The following HECW1 variants were observed in gnomAD, a reference collection of about 807,000 sequenced individuals.
HECW1 encodes the protein HECT, C2 and WW domain containing E3 ubiquitin protein ligase 1.
HECW1 carries 61 observed loss-of-function variants against 182.3 expected under a neutral mutation model. The observed-to-expected ratio is 0.33, with a 90% CI of 0.27 to 0.41. HECW1 has a LOEUF of 0.41. HECW1 is among the 10% of genes least tolerant of loss of function. The pLI, the probability that HECW1 is intolerant of heterozygous loss-of-function variation, is 1.00. For synonymous variants in HECW1, 859 were observed against 832.6 expected (o/e 1.03, Z -0.55); for missense variants, 1,739 against 2,108.9 (o/e 0.82, Z 3.44).
At chr7:43,269,868 T>G (rs1021966180) in intron 3 of HECW1, among the ~76,000 whole-genome samples, 1 of 152,110 alleles carries the variant, frequency 6.6e-6, no homozygotes, top group Non-Finnish European at 1.5e-5. Flanking sequence ...GCTACTGAAA[T>G]CTGATGTGTA....
intron 4 of HECW1, among the ~76,000 whole-genome samples, chr7:43,319,803 A>G (rs1233288821): frequency 7.6e-6 from 1 of 130,994 alleles, no homozygotes; most frequent in Non-Finnish European, 1.5e-5. Flanking sequence ...GGTAGAGACA[A>G]TGTTTCACCA....
intron 26 of HECW1, among the ~76,000 whole-genome samples, chr7:43,550,111 AAAG>A (rs575247546): frequency 1.5e-4 from 23 of 151,702 alleles, no homozygotes; most frequent in South Asian, 8.3e-4. Context: ...TACCAAAAAA[AAAG>A]AAGAAGAAGA....
At chr7:43,224,290 G>A (rs1236128777) in intron 2 of HECW1, among the ~76,000 whole-genome samples, 1 of 152,218 alleles carries the variant, frequency 6.6e-6, no homozygotes, top group Non-Finnish European at 1.5e-5. Context: ...GGGAATATCA[G>A]TAAGACATTA....
chr7:43,113,972 G>T (rs1025704380), intron 1 of HECW1, 185 bp from the exon 2 acceptor site: 5 of 309,006 alleles, frequency 1.6e-5, no homozygotes, highest in Non-Finnish European at 1.2e-5. Flanking sequence ...AGAGATGCCC[G>T]GCTTCCTGTG....
At chr7:43,386,220 G>A (rs2152831153) in intron 6 of HECW1, among the ~76,000 whole-genome samples, 1 of 152,294 alleles carries the variant, frequency 6.6e-6, no homozygotes, top group East Asian at 1.9e-4. Context: ...GTGTGATTCA[G>A]TCAGCCCCTT....
chr7:43,479,043 T>C (rs1488066940), intron 16 of HECW1, among the ~76,000 whole-genome samples: 1 of 152,208 alleles, frequency 6.6e-6, no homozygotes, highest in Non-Finnish European at 1.5e-5. Context: ...ACCAGTTTTA[T>C]GGAAGGCAAT....
chr7:43,166,668 G>A (rs1012288666), intron 2 of HECW1, among the ~76,000 whole-genome samples: 12 of 152,182 alleles, frequency 7.9e-5, no homozygotes, highest in Non-Finnish European at 1.3e-4. Flanking sequence ...GATGATTATA[G>A]ATGATTCATA....
At position 43,237,121 on chromosome 7, in the gene HECW1, A is replaced by AGAAG. The variant is rs144403349; in HGVS notation, c.-31-6737_-31-6734dup. Among the ~76,000 whole-genome samples the AGAAG allele has an allele frequency of 7.3e-5, 10 of 136,292 alleles. No homozygotes were observed. In the East Asian group the frequency reaches 1.6e-3, roughly 21 times the overall value. The allele number at this position is 136,292 out of a possible 152,430, so 89.4% of individuals were successfully genotyped here. A position where few individuals can be genotyped will look rare whatever the true frequency, so the allele number is the denominator to read the frequency against. On this transcript the variant is annotated intron_variant, in intron 2 of 29. Transcript: ENST00000395891. ...TGGGAGGGAGGGAAGAAAGAAAAAAAGAAGGAAGGAAGGAAGGAAGTAGGT... is the reference window on the plus strand; with the variant it reads ...TGGGAGGGAGGGAAGAAAGAAAAAAAGAAGGAAGGAAGGAAGGAAGGAAGTAGGT...
rs189254334 is a variant in HECW1, at chr7:43,529,474, C to T, written c.4020-11689C>T. ...CAAGAAAGGGTACAATTCTAAATCA[C>T]ACTCCCTGACCTCAGAAAGTGCCAC... is the stretch of plus-strand genomic sequence containing the variant. On this transcript the variant is annotated intron_variant, in intron 24 of 29. Transcript: ENST00000395891. Among the ~76,000 whole-genome samples the T allele has an allele frequency of 7.9e-5, 12 of 152,242 alleles. No homozygotes were observed. In the East Asian group the frequency reaches 9.7e-4, roughly 12 times the overall value.
intron 2 of HECW1, among the ~76,000 whole-genome samples, chr7:43,193,262 G>T (rs989687011): frequency 1.3e-5 from 2 of 152,178 alleles, no homozygotes; most frequent in African/African-American, 4.8e-5. Context: ...CCTTTACTGC[G>T]TCCTGTTTCA....
intron 19 of HECW1, 56 bp from the exon 20 acceptor site, chr7:43,500,643 A>G (rs755509916): frequency 2.7e-4 from 341 of 1,266,882 alleles, no homozygotes; most frequent in Non-Finnish European, 3.5e-4. Context: ...AAGAAAATGT[A>G]TTTCTGAGTT....
rs546894332 is a variant in HECW1 at position 43,173,103 on chromosome 7, T to C, written c.-32+58712T>C. Among the ~76,000 whole-genome samples, 6 of 152,344 alleles carry C rather than the reference T, an allele frequency of 3.9e-5. No individual in the cohort carries two copies. In the South Asian group the frequency reaches 6.2e-4, roughly 16 times the overall value. On this transcript the variant is annotated intron_variant, in intron 2 of 29. Coordinates refer to ENST00000395891, the MANE Select transcript of HECW1 (RefSeq NM_015052.5). The stretch of plus-strand genomic sequence containing the variant: ...CTCTATTTTACATATTCTGGTTCTA[T>C]GTAAAATTTAATTTGAAACTGGGGT...
intron 3 of HECW1, among the ~76,000 whole-genome samples, chr7:43,287,858 G>A (rs1804859963): frequency 6.6e-6 from 1 of 152,226 alleles, no homozygotes; most frequent in East Asian, 1.9e-4. Flanking sequence ...GATTGTACCT[G>A]AGGAGTGTGA....
At chr7:43,336,140 C>T (rs201250310) in intron 5 of HECW1, among the ~76,000 whole-genome samples, 10 of 67,316 alleles carry the variant, frequency 1.5e-4, no homozygotes, top group African/African-American at 6.0e-4. Context: ...CTCTCTCTCT[C>T]TCTTTCTCTC....
chr7:43,175,095 T>G (rs1792089544), intron 2 of HECW1, among the ~76,000 whole-genome samples: 2 of 152,070 alleles, frequency 1.3e-5, no homozygotes, highest in African/African-American at 2.4e-5. Flanking sequence ...ATTATGAAAT[T>G]TTTCTCTTTT....
chr7:43,239,170 G>C (rs1389841571), intron 2 of HECW1: 3 of 152,214 alleles, frequency 2.0e-5, no homozygotes, highest in Non-Finnish European at 4.4e-5. Context: ...AATATTTGCT[G>C]TGACATCAGC....
At chr7:43,157,081 A>G (rs1789961200) in intron 2 of HECW1, among the ~76,000 whole-genome samples, 1 of 152,248 alleles carries the variant, frequency 6.6e-6, no homozygotes. Flanking sequence ...GGAAGTCAAT[A>G]CTAATAAAAT....
intron 3 of HECW1, among the ~76,000 whole-genome samples, chr7:43,276,880 C>CA (rs1803223915): frequency 6.6e-6 from 1 of 152,224 alleles, no homozygotes; most frequent in Non-Finnish European, 1.5e-5. Flanking sequence ...GAATGCTCTG[C>CA]AACCCTCCTT....
At chr7:43,268,164 AGAG>A (rs1423167330) in intron 3 of HECW1, among the ~76,000 whole-genome samples, 16 of 152,034 alleles carry the variant, frequency 1.1e-4, no homozygotes, top group African/African-American at 3.4e-4. Flanking sequence ...CTGTGTGTGC[AGAG>A]TCTCTGCCCT....
Sources: gnomAD v4.1 joint callset for allele counts (sites outside exome capture counted in the v4.1 genomes callset) on GRCh38, gnomAD v4.1.1 for gene constraint, MANE v1.5 for transcripts, NCBI Gene and HGNC (gene_info 2026-07-23, HGNC 2026-07-21) for gene names.